MTA1: variants seen among roughly 807,000 people sequenced by gnomAD.
The protein encoded by MTA1 is metastasis-associated protein MTA1.
MTA1 carries 15 observed loss-of-function variants against 97.0 expected under a neutral mutation model. The ratio of observed to expected loss-of-function variants is 0.15; its 90% CI spans 0.10 to 0.24. The LOEUF (loss-of-function observed/expected upper bound fraction) is 0.24. MTA1 is among the 10% of genes least tolerant of loss of function. MTA1 has a pLI of 1.00. For missense variants in MTA1, 709 were observed against 1,015.1 expected (o/e 0.70, Z 4.10); for synonymous variants, 435 against 417.5 (o/e 1.04, Z -0.51).
At chr14:105,433,640 A>G (rs2082247513) in intron 1 of MTA1, among the ~76,000 whole-genome samples, 1 of 152,216 alleles carries the variant, frequency 6.6e-6, no homozygotes, top group Admixed American at 6.5e-5. Flanking sequence ...TGTGCCTGGC[A>G]GTACCTGTGT....
chr14:105,468,509 GGCT>G (rs2083691202), intron 18 of MTA1, among the ~76,000 whole-genome samples: 2 of 152,204 alleles, frequency 1.3e-5, no homozygotes, highest in Non-Finnish European at 2.9e-5. Flanking sequence ...GGCAGGGAAA[GGCT>G]GACCCAGGGC....
At chr14:105,455,140 A>C (rs1555429584) in intron 7 of MTA1, among the ~76,000 whole-genome samples, 1 of 152,142 alleles carries the variant, frequency 6.6e-6, no homozygotes, top group African/African-American at 2.4e-5. Flanking sequence ...CCCTGAACTC[A>C]AGTGATCTAC....
chr14:105,454,053 T>TCCCTCCCTCCTGCGCCCA, intron 6 of MTA1, 140 bp from the exon 7 acceptor site: 1 of 587,190 alleles, frequency 1.7e-6, no homozygotes, highest in Non-Finnish European at 3.1e-6. Context: ...TCCTGCGCCC[T>TCCCTCCCTCCTGCGCCCA]CCCTCCCTCC....
chr14:105,467,567 C>T (rs587718708), intron 18 of MTA1: 6 of 442,892 alleles, frequency 1.4e-5, no homozygotes, highest in African/African-American at 4.0e-5. Context: ...GGGTGCCGGG[C>T]CCCCCATCTC....
At chr14:105,466,313 A>G in intron 16 of MTA1, 113 bp from the exon 17 acceptor site, 1 of 972,944 alleles carries the variant, frequency 1.0e-6, no homozygotes, top group Non-Finnish European at 1.6e-6. Context: ...TGGGGGCCGC[A>G]TGGGGCTTAG....
intron 10 of MTA1, among the ~76,000 whole-genome samples, chr14:105,461,641 C>T (rs1198726096): frequency 3.9e-5 from 6 of 152,174 alleles, no homozygotes; most frequent in African/African-American, 1.4e-4. Flanking sequence ...CGGGCAGCAG[C>T]GCACAGGCCA....
chr14:105,426,426 G>A (rs979526282), intron 1 of MTA1, among the ~76,000 whole-genome samples: 3 of 151,226 alleles, frequency 2.0e-5, no homozygotes, highest in Admixed American at 6.6e-5. Flanking sequence ...GTTGGTCAGC[G>A]GTGGAGTCAG....
At chr14:105,433,487 C>T (rs1041905979) in intron 1 of MTA1, among the ~76,000 whole-genome samples, 14 of 152,102 alleles carry the variant, frequency 9.2e-5, no homozygotes, top group Non-Finnish European at 1.9e-4. Context: ...CCAAGAGCTC[C>T]GAGGTGACCT....
In MTA1 at chr14:105,469,459, C is replaced by T. The variant is rs782103684; in HGVS notation, c.1814-8C>T. ...GGGGCCTCATTTCTCTCCTCCATTT[C>T]TCATCAGGTCTGGCAAACCACGGAC... On this transcript the variant is annotated splice_polypyrimidine_tract_variant and splice_region_variant and intron_variant, in intron 18 of 20. Transcript: ENST00000331320. The T allele has an allele frequency of 1.2e-6, 2 of 1,612,794 alleles. No homozygotes were observed. The highest frequency in any genetic ancestry group is 2.2e-5 in the South Asian group (2 of 91,092).
intron 16 of MTA1, chr14:105,466,086 G>A (rs782044010): frequency 2.8e-5 from 8 of 286,130 alleles, no homozygotes; most frequent in East Asian, 9.7e-5. Context: ...GGGCCTGGAC[G>A]TGGGGGCTGT....
intron 1 of MTA1, among the ~76,000 whole-genome samples, chr14:105,430,385 C>G (rs78524560): frequency 0.018 from 2,688 of 152,200 alleles, 36 homozygotes; most frequent in Non-Finnish European, 0.026. Context: ...ACACATTTAT[C>G]AATTAAGTTC....
intron 2 of MTA1, among the ~76,000 whole-genome samples, chr14:105,441,463 G>GA (rs2082511205): frequency 6.6e-6 from 1 of 152,212 alleles, no homozygotes. Context: ...GCGGGGCGGG[G>GA]GGGCTTTTAA....
rs1008148152 is a variant in MTA1, at chr14:105,424,806, C to T, written c.28+4743C>T. Among the ~76,000 whole-genome samples, 12 of 152,188 alleles carry T rather than the reference C, an allele frequency of 7.9e-5. No homozygotes were observed. The highest frequency in any genetic ancestry group is 2.7e-4 in the African/African-American group (11 of 41,444). On this transcript the variant is annotated intron_variant, in intron 1 of 20. Transcript: ENST00000331320. This position sits in a 1 kb window ranked among gnomAD's most constrained non-coding sequence, Gnocchi z 4.0. ...CCACGGTGCCTGGCCCCATATTGTT[C>T]TGAGTGGAGAATTTGATCGTTAAGC...
rs145839267 is a variant in MTA1 at position 105,461,684 on chromosome 14, C to A, written c.942+731C>A. 8.6e-3 allele frequency among the ~76,000 whole-genome samples: 1,306 copies of A among 152,254 alleles called. 22 individuals are homozygous for A. The highest frequency in any genetic ancestry group is 0.03 in the African/African-American group (1,238 of 41,538). The stretch of plus-strand genomic sequence containing the variant: ...AGAGGCTGGAGACGCATCTGGAATT[C>A]GGAAGAAACAAACATGGGGTTGGGT... On this transcript the variant is annotated intron_variant, in intron 10 of 20. Transcript: ENST00000331320.
In MTA1 at chr14:105,463,697, C is replaced by A; in HGVS notation, c.1076+146C>A. 2.7e-6 allele frequency: 2 copies of A among 739,416 alleles called. No individual in the cohort carries two copies. The highest frequency in any genetic ancestry group is 4.5e-6 in the Non-Finnish European group (2 of 445,536). 45.8% of individuals were successfully genotyped at this position (739,416 alleles called of 1,614,324 possible). ...CAGCCCCCGGGAGGGCGGCCCAGGG[C>A]TGGGGGGTTCTGGCTGCAGACGCAG... On this transcript the variant is annotated intron_variant, in intron 12 of 20. Transcript: ENST00000331320. The surrounding 1 kb of genome is among the most constrained non-coding windows in gnomAD (Gnocchi z 5.9).
chr14:105,434,794 C>T (rs1181629802), intron 1 of MTA1, among the ~76,000 whole-genome samples: 1 of 152,210 alleles, frequency 6.6e-6, no homozygotes, highest in African/African-American at 2.4e-5. Flanking sequence ...AGCCACCATG[C>T]CCAGCCCAAA....
intron 1 of MTA1, among the ~76,000 whole-genome samples, chr14:105,435,258 A>G (rs2082296081): frequency 6.6e-6 from 1 of 152,118 alleles, no homozygotes; most frequent in Admixed American, 6.5e-5. Flanking sequence ...GAATATGATG[A>G]GCTACACTGG....
chr14:105,467,828 G>A (rs1166653195), intron 18 of MTA1: 3 of 254,264 alleles, frequency 1.2e-5, no homozygotes, highest in Admixed American at 5.2e-5. Context: ...GAAACAGGAG[G>A]GAGTCCTTGT....
chr14:105,460,700 G>A (rs1595397385), intron 9 of MTA1, 65 bp from the exon 10 acceptor site: 11 of 1,461,140 alleles, frequency 7.5e-6, no homozygotes, highest in East Asian at 7.0e-5. Context: ...GAGGGAGGGG[G>A]TACCGTGCCA....
Sources: gnomAD v4.1 joint callset for allele counts (sites outside exome capture counted in the v4.1 genomes callset) on GRCh38, gnomAD v4.1.1 for gene constraint, Gnocchi (gnomAD v3.1) non-coding constraint, MANE v1.5 for transcripts, NCBI Gene and HGNC (gene_info 2026-07-23, HGNC 2026-07-21) for gene names.